The following DNAJC8 variants were observed in gnomAD, a reference collection of about 807,000 sequenced individuals.
DNAJC8 encodes the protein DnaJ heat shock protein family (Hsp40) member C8.
A neutral mutation model predicts 43.2 loss-of-function variants in DNAJC8; 24 were observed. The ratio of observed to expected loss-of-function variants is 0.56; its 90% CI spans 0.40 to 0.78. The LOEUF is 0.78. DNAJC8 is among the 30% of genes least tolerant of loss of function. DNAJC8 has a pLI of 0.00. For missense variants in DNAJC8, 207 were observed against 299.4 expected (o/e 0.69, Z 2.28); for synonymous variants, 83 against 98.0 (o/e 0.85, Z 0.90).
intron 3 of DNAJC8, among the ~76,000 whole-genome samples, chr1:28,213,710 C>T (rs496778): frequency 0.35 from 53,674 of 151,944 alleles, 10,693 homozygotes; most frequent in African/African-American, 0.54. Flanking sequence ...ATAGGGACTA[C>T]GATTATTCAA....
rs113430610 is a variant in DNAJC8 at position 28,221,685 on chromosome 1, T to C, written c.181-6689A>G. On this transcript the variant is annotated intron_variant, in intron 2 of 8. Transcript: ENST00000263697. ...ACTATGCTCGATTTTAAAGTATGGCTAGATAGAAAGAACATACCATAAATT... is the reference window on the plus strand; with the variant it reads ...ACTATGCTCGATTTTAAAGTATGGCCAGATAGAAAGAACATACCATAAATT... Among the ~76,000 whole-genome samples, 911 of 152,332 alleles carry C rather than the reference T, an allele frequency of 6.0e-3. 7 individuals are homozygous for C. Among genetic ancestry groups the C allele is most frequent in the African/African-American group, 0.019 (805 of 41,564 alleles).
chr1:28,232,688 A>G (rs946602917), intron 1 of DNAJC8, among the ~76,000 whole-genome samples: 2 of 151,864 alleles, frequency 1.3e-5, no homozygotes, highest in Admixed American at 1.3e-4. Flanking sequence ...TGTTGGACAC[A>G]CTCGCCACCT....
chr1:28,232,307 C>T (rs1044776917), intron 1 of DNAJC8, among the ~76,000 whole-genome samples: 1 of 152,100 alleles, frequency 6.6e-6, no homozygotes, highest in African/African-American at 2.4e-5. Flanking sequence ...ATTCACTCAA[C>T]AAATATTTAC....
At chr1:28,225,727 C>G (rs888364493) in intron 2 of DNAJC8, among the ~76,000 whole-genome samples, 6 of 128,016 alleles carry the variant, frequency 4.7e-5, no homozygotes, top group Admixed American at 8.0e-5. Flanking sequence ...TTTTTTGAGA[C>G]AGTCTCGTTC....
In DNAJC8 at chr1:28,226,227, T is replaced by G. The variant is rs536462894; in HGVS notation, c.180+2695A>C. 3.8e-4 allele frequency among the ~76,000 whole-genome samples: 57 copies of G among 150,918 alleles called. 2 individuals are homozygous for G. The highest frequency in any genetic ancestry group is 1.4e-3 in the African/African-American group (57 of 41,180). The stretch of plus-strand genomic sequence containing the variant: ...CTGTTAAAAAAACTTTTTAAAGATC[T>G]GGGTGTGGTGGCTCACGTCTGTAAT... On this transcript the variant is annotated intron_variant, in intron 2 of 8. Coordinates refer to ENST00000263697, the MANE Select transcript of DNAJC8 (RefSeq NM_014280.3).
At chr1:28,201,983 G>A (rs972371164) in intron 8 of DNAJC8, among the ~76,000 whole-genome samples, 1 of 151,752 alleles carries the variant, frequency 6.6e-6, no homozygotes, top group Non-Finnish European at 1.5e-5. Flanking sequence ...CCAGCTACTC[G>A]GGAGGCTGAG....
intron 3 of DNAJC8, among the ~76,000 whole-genome samples, chr1:28,213,220 T>C (rs1184017769): frequency 6.6e-6 from 1 of 152,230 alleles, no homozygotes; most frequent in African/African-American, 2.4e-5. Context: ...TATCAGTCCA[T>C]ATTAATGATT....
intron 2 of DNAJC8, among the ~76,000 whole-genome samples, chr1:28,228,209 C>T (rs1166409754): frequency 6.6e-6 from 1 of 151,944 alleles, no homozygotes; most frequent in Non-Finnish European, 1.5e-5. Flanking sequence ...ATTAGCCAGG[C>T]ACAGTGGTGG....
chr1:28,220,629 C>T (rs1247230151), intron 2 of DNAJC8, among the ~76,000 whole-genome samples: 1 of 152,128 alleles, frequency 6.6e-6, no homozygotes, highest in African/African-American at 2.4e-5. Flanking sequence ...AGGGCAGAGA[C>T]CTAATCACCT....
intron 8 of DNAJC8, among the ~76,000 whole-genome samples, chr1:28,203,218 A>G (rs1020849303): frequency 6.6e-6 from 1 of 152,048 alleles, no homozygotes; most frequent in Non-Finnish European, 1.5e-5. Flanking sequence ...CCTAAACCCT[A>G]TAGAAGAAAA....
chr1:28,201,519 TG>T (rs1460615643), intron 8 of DNAJC8, 149 bp from the exon 9 acceptor site: 1 of 1,266,828 alleles, frequency 7.9e-7, no homozygotes, highest in African/African-American at 1.5e-5. Context: ...CCAGGCACAG[TG>T]GCTCATACCT....
In DNAJC8 at chr1:28,200,289, A is replaced by G. The variant is rs576792323; in HGVS notation, c.*959T>C. ...TGTGAGCTGGACGCTTTCATATATT[A>G]CTTCATTTAATCCTCAAAACAATCA... On this transcript the variant is annotated 3_prime_UTR_variant, in exon 9 of 9. Transcript: ENST00000263697. 1.7e-5 allele frequency: 6 copies of G among 357,380 alleles called. No homozygotes were observed. The highest frequency in any genetic ancestry group is 3.3e-5 in the Non-Finnish European group (6 of 182,438). The allele number at this position is 357,380 out of a possible 1,614,324, so 22.1% of individuals were successfully genotyped here. A position where few individuals can be genotyped will look rare whatever the true frequency, so the allele number is the denominator to read the frequency against.
intron 3 of DNAJC8, among the ~76,000 whole-genome samples, chr1:28,214,662 A>G (rs1440541933): frequency 6.6e-6 from 1 of 152,206 alleles, no homozygotes; most frequent in Non-Finnish European, 1.5e-5. Context: ...AACTCCATGC[A>G]AGCTCTATTA....
chr1:28,214,900 T>G, intron 3 of DNAJC8, 40 bp downstream of exon 3: 1 of 1,542,222 alleles, frequency 6.5e-7, no homozygotes, highest in Non-Finnish European at 8.8e-7. Flanking sequence ...ATGTGCTTCA[T>G]ACATTTTCAA....
At chr1:28,224,912 A>G (rs1646923639) in intron 2 of DNAJC8, among the ~76,000 whole-genome samples, 1 of 151,028 alleles carries the variant, frequency 6.6e-6, no homozygotes, top group African/African-American at 2.4e-5. Flanking sequence ...AAAGAGCCAA[A>G]CACAGTGGCT....
rs763425668 is a variant in DNAJC8, at chr1:28,228,961, G to A, written c.141C>T (p.Thr47=). The A allele has an allele frequency of 2.5e-6, 4 of 1,613,336 alleles. No individual in the cohort carries two copies. Among genetic ancestry groups the A allele is most frequent in the East Asian group, 4.5e-5 (2 of 44,860 alleles). Residue 47 remains threonine (T), a synonymous_variant, in exon 2 of 9, where the codon ACC becomes ACT. Coordinates refer to ENST00000263697, the MANE Select transcript of DNAJC8 (RefSeq NM_014280.3). ...LTSKNQIERL[T]RPGSSYFNLN... is the part of the protein sequence containing the mutation. ...AATTGAAGTAAGAGGAACCAGGACG[G>A]GTCAGTCTTTCAATCTGATTTTTCG...
At chr1:28,228,776 G>A in intron 2 of DNAJC8, 146 bp downstream of exon 2, 1 of 652,962 alleles carries the variant, frequency 1.5e-6, no homozygotes, top group Non-Finnish European at 2.5e-6. Flanking sequence ...ACTCAATTTT[G>A]TACTATACAG....
intron 3 of DNAJC8, among the ~76,000 whole-genome samples, chr1:28,213,490 CTA>C (rs1191630842): frequency 6.6e-6 from 1 of 151,804 alleles, no homozygotes; most frequent in Non-Finnish European, 1.5e-5. Context: ...CAGAAAATGA[CTA>C]TGAGTCAGCA....
chr1:28,202,578 C>CT (rs749474061), intron 8 of DNAJC8, among the ~76,000 whole-genome samples: 1 of 131,206 alleles, frequency 7.6e-6, no homozygotes, highest in South Asian at 2.4e-4. Flanking sequence ...CTCACCCGGC[C>CT]TTTTTTTTTC....
Sources: gnomAD v4.1 joint callset for allele counts (sites outside exome capture counted in the v4.1 genomes callset) on GRCh38, gnomAD v4.1.1 for gene constraint, MANE v1.5 for transcripts, NCBI Gene and HGNC (gene_info 2026-07-23, HGNC 2026-07-21) for gene names.